The following VTCN1 variants were observed in gnomAD, a reference collection of about 807,000 sequenced individuals.
VTCN1 encodes the protein V-set domain-containing T-cell activation inhibitor 1.
In VTCN1, 26 loss-of-function variants were observed where a neutral mutation model predicts 26.5. That is an observed-to-expected ratio of 0.98 (90% CI 0.72 to 1.36). The LOEUF (loss-of-function observed/expected upper bound fraction) is 1.36. Ranked by LOEUF, VTCN1 falls within the 40% of genes most tolerant of loss-of-function variation. The pLI is 0.00. For missense variants in VTCN1, 298 were observed against 337.7 expected (o/e 0.88, Z 0.92); for synonymous variants, 116 against 130.7 (o/e 0.89, Z 0.77).
At chr1:117,194,956 G>A (rs955366385) in intron 1 of VTCN1, among the ~76,000 whole-genome samples, 1 of 151,962 alleles carries the variant, frequency 6.6e-6, no homozygotes, top group Non-Finnish European at 1.5e-5. Flanking sequence ...TACAGCATGG[G>A]GCCTGTAGTT....
intron 1 of VTCN1, among the ~76,000 whole-genome samples, chr1:117,196,401 T>G (rs201748179): frequency 0.025 from 3,691 of 147,948 alleles, 51 homozygotes; most frequent in African/African-American, 0.045. Context: ...TATATATATA[T>G]ATAGAGAGAG....
intron 1 of VTCN1, among the ~76,000 whole-genome samples, chr1:117,181,966 T>C (rs1243695189): frequency 6.6e-6 from 1 of 152,200 alleles, no homozygotes; most frequent in Admixed American, 6.5e-5. Flanking sequence ...CGTGACTGTT[T>C]TGAATTTCAT....
intron 2 of VTCN1, among the ~76,000 whole-genome samples, chr1:117,162,142 G>C (rs1652399008): frequency 6.6e-6 from 1 of 152,022 alleles, no homozygotes; most frequent in Non-Finnish European, 1.5e-5. Context: ...GTGTAATGTT[G>C]ATTAAATCCC....
At chr1:117,148,091 C>T (rs920404514) in intron 4 of VTCN1, among the ~76,000 whole-genome samples, 1 of 152,216 alleles carries the variant, frequency 6.6e-6, no homozygotes, top group East Asian at 1.9e-4. Flanking sequence ...CAGTTCTTGG[C>T]TTGAGACGCA....
chr1:117,169,415 G>A lies in VTCN1; in HGVS notation c.97+692C>T, dbSNP rs143425726. ...CTTGATATTCTTTAACACTTCAGCT[G>A]AAGCTTCGTTGCAAAGAAATCATCT... On this transcript the variant is annotated intron_variant, in intron 2 of 5. Coordinates refer to ENST00000369458, the MANE Select transcript of VTCN1 (RefSeq NM_024626.4). The surrounding 1 kb of genome is among the most constrained non-coding windows in gnomAD (Gnocchi z 4.0). Among the ~76,000 whole-genome samples, 824 of 152,312 alleles carry A rather than the reference G, an allele frequency of 5.4e-3. 3 individuals carry two copies. Among genetic ancestry groups the A allele is most frequent in the Non-Finnish European group, 5.6e-3 (380 of 68,030 alleles).
chr1:117,198,555 G>T (rs537594987), intron 1 of VTCN1, among the ~76,000 whole-genome samples: 22 of 152,222 alleles, frequency 1.4e-4, no homozygotes, highest in Non-Finnish European at 2.4e-4. Flanking sequence ...TTCTGGCTAC[G>T]TGTGCCTTCA....
chr1:117,189,199 A>C (rs899684986), intron 1 of VTCN1, among the ~76,000 whole-genome samples: 1 of 151,964 alleles, frequency 6.6e-6, no homozygotes, highest in African/African-American at 2.4e-5. Context: ...ATTTCCTCAA[A>C]ACTCTCTCTG....
chr1:117,170,330 A>C (rs770603254), intron 1 of VTCN1, 159 bp from the exon 2 acceptor site: 12 of 760,686 alleles, frequency 1.6e-5, no homozygotes, highest in Non-Finnish European at 2.6e-5. Flanking sequence ...GGTACCTTAG[A>C]AAGGAATTTC....
intron 4 of VTCN1, among the ~76,000 whole-genome samples, chr1:117,151,741 C>CT (rs1227052668): frequency 2.0e-5 from 3 of 152,014 alleles, no homozygotes; most frequent in South Asian, 2.1e-4. Context: ...CTCAGTAGTT[C>CT]TTTTTTTTAA....
chr1:117,150,958 T>C (rs1344812985), intron 4 of VTCN1, among the ~76,000 whole-genome samples: 2 of 152,248 alleles, frequency 1.3e-5, no homozygotes, highest in African/African-American at 4.8e-5. Context: ...TCCTTCCTTT[T>C]TGAGCCTGAA....
Position 117,150,773 on chromosome 1 carries a change from C to A in VTCN1, c.724+2318G>T, listed in dbSNP as rs113019083. 3.9e-3 allele frequency among the ~76,000 whole-genome samples: 594 copies of A among 152,274 alleles called. 4 individuals are homozygous for A. The highest frequency in any genetic ancestry group is 0.014 in the African/African-American group (574 of 41,556). On this transcript the variant is annotated intron_variant, in intron 4 of 5. Transcript: ENST00000369458. Reference sequence around the variant, plus strand: ...ATACTCATTAAACAAAAACCTTTCTCCTTCAACTCTTCCACCCTGCCCTCT... The same window carrying A: ...ATACTCATTAAACAAAAACCTTTCTACTTCAACTCTTCCACCCTGCCCTCT...
intron 1 of VTCN1, among the ~76,000 whole-genome samples, chr1:117,191,683 G>A (rs1457998752): frequency 6.6e-6 from 1 of 152,198 alleles, no homozygotes; most frequent in African/African-American, 2.4e-5. Flanking sequence ...TCGGGAGGCT[G>A]AGGCAGGAGA....
At chr1:117,174,760 G>A (rs1354259353) in intron 1 of VTCN1, among the ~76,000 whole-genome samples, 12 of 152,132 alleles carry the variant, frequency 7.9e-5, no homozygotes, top group Admixed American at 1.3e-4. Flanking sequence ...GGGAAACAGA[G>A]ATAATCAAAG....
chr1:117,198,107 T>G (rs1648606463), intron 1 of VTCN1, among the ~76,000 whole-genome samples: 1 of 152,194 alleles, frequency 6.6e-6, no homozygotes, highest in African/African-American at 2.4e-5. Flanking sequence ...GTTAACCACT[T>G]TAATTAAATT....
At chr1:117,196,399 T>TAGAG (rs1458134994) in intron 1 of VTCN1, among the ~76,000 whole-genome samples, 1 of 147,604 alleles carries the variant, frequency 6.8e-6, no homozygotes, top group African/African-American at 2.6e-5. Flanking sequence ...CATATATATA[T>TAGAG]ATATAGAGAG....
At chr1:117,170,324 C>T in intron 1 of VTCN1, 153 bp from the exon 2 acceptor site, 1 of 773,580 alleles carries the variant, frequency 1.3e-6, no homozygotes, top group Non-Finnish European at 2.3e-6. Context: ...GAAACGGGTA[C>T]CTTAGAAAGG....
rs1652007187 is a variant in VTCN1, at chr1:117,155,202, G to A, written c.445+1372C>T. Among the ~76,000 whole-genome samples the A allele has an allele frequency of 6.6e-6, 1 of 152,184 alleles. No homozygotes were observed. On this transcript the variant is annotated intron_variant, in intron 3 of 5. Coordinates refer to ENST00000369458, the MANE Select transcript of VTCN1 (RefSeq NM_024626.4). This position sits in a 1 kb window ranked among gnomAD's most constrained non-coding sequence, Gnocchi z 4.8. ...ACAGGTTTTAGAGAGGAAGAGCACA[G>A]GAGGTAAAGTGCCCTTCCCATCACA...
Position 117,156,644 on chromosome 1 carries a change from A to G in VTCN1, c.375T>C (p.Ala125=), listed in dbSNP as rs770274325. 3.1e-6 allele frequency: 5 copies of G among 1,613,970 alleles called. No homozygotes were observed. In the African/African-American group the frequency reaches 5.3e-5, roughly 17 times the overall value. The change falls in exon 3 of 6, where the codon GCT becomes GCC. Residue 125 remains alanine, a synonymous_variant. Transcript: ENST00000369458. The part of the protein sequence containing the change: ...LRLKNVQLTD[A]GTYKCYIITS... ...TGATGATATAACATTTGTAGGTGCC[A>G]GCATCTGTGAGTTGCACGTTTTTCA...
At chr1:117,156,246 C>G (rs938496669) in intron 3 of VTCN1, among the ~76,000 whole-genome samples, 1 of 152,154 alleles carries the variant, frequency 6.6e-6, no homozygotes, top group Non-Finnish European at 1.5e-5. Flanking sequence ...GTCTACTTAG[C>G]GTGGAAATGT....
Sources: gnomAD v4.1 joint callset for allele counts (sites outside exome capture counted in the v4.1 genomes callset) on GRCh38, gnomAD v4.1.1 for gene constraint, Gnocchi (gnomAD v3.1) non-coding constraint, MANE v1.5 for transcripts, NCBI Gene and HGNC (gene_info 2026-07-23, HGNC 2026-07-21) for gene names.